Variants in RNF130 observed in about 807,000 individuals in gnomAD.
The protein encoded by RNF130 is E3 ubiquitin-protein ligase RNF130.
In RNF130, 21 loss-of-function variants were observed where a neutral mutation model predicts 44.6. The observed-to-expected ratio is 0.47, with a 90% CI of 0.33 to 0.68. The LOEUF is 0.68. Among genes scored for constraint, RNF130 ranks in the 30% least tolerant of loss-of-function variants. The pLI, the probability that RNF130 is intolerant of heterozygous loss-of-function variation, is 0.02. For synonymous variants in RNF130, 214 were observed against 210.4 expected (o/e 1.02, Z -0.15); for missense variants, 479 against 560.6 (o/e 0.85, Z 1.47).
At chr5:179,974,873 C>T (rs911138987) in intron 5 of RNF130, among the ~76,000 whole-genome samples, 6 of 152,236 alleles carry the variant, frequency 3.9e-5, no homozygotes, top group Non-Finnish European at 8.8e-5. Flanking sequence ...CCGCAGCAGA[C>T]GGCCTCTCCG....
At chr5:180,021,170 G>A (rs948576756) in intron 2 of RNF130, among the ~76,000 whole-genome samples, 6 of 151,994 alleles carry the variant, frequency 3.9e-5, no homozygotes, top group Non-Finnish European at 8.8e-5. Flanking sequence ...GATTCACCAT[G>A]TTGGCCAAAA....
At chr5:179,975,826 AACC>A (rs1387135656) in intron 5 of RNF130, among the ~76,000 whole-genome samples, 3 of 152,142 alleles carry the variant, frequency 2.0e-5, no homozygotes, top group Non-Finnish European at 4.4e-5. Context: ...CACAAACACA[AACC>A]ACTTCTATGG....
intron 2 of RNF130, among the ~76,000 whole-genome samples, chr5:180,031,358 G>A (rs758926316): frequency 1.6e-4 from 24 of 152,210 alleles, no homozygotes; most frequent in Non-Finnish European, 3.4e-4. Context: ...ATGGTGGCAC[G>A]CACCTGTAAT....
intron 3 of RNF130, among the ~76,000 whole-genome samples, chr5:179,996,868 G>C (rs1304030086): frequency 6.6e-6 from 1 of 152,180 alleles, no homozygotes; most frequent in African/African-American, 2.4e-5. Flanking sequence ...CAGTTTTCTG[G>C]AGGAGTATGA....
chr5:179,939,670 G>A (rs1164628495), intron 7 of RNF130: 2 of 456,134 alleles, frequency 4.4e-6, no homozygotes, highest in East Asian at 1.3e-4. Flanking sequence ...GTGACCTAGT[G>A]ATCCAAATGA....
At chr5:179,924,462 TC>T (rs1456580146) in intron 7 of RNF130, among the ~76,000 whole-genome samples, 3 of 146,718 alleles carry the variant, frequency 2.0e-5, no homozygotes, top group Non-Finnish European at 4.4e-5. Flanking sequence ...GCCATTGCAC[TC>T]CAGCCTGCGC....
exon 8 of RNF130, chr5:179,918,982 T>C (rs778613246): frequency 2.6e-5 from 4 of 152,228 alleles, no homozygotes; most frequent in Non-Finnish European, 5.9e-5. Flanking sequence ...GGCAGGGGAT[T>C]CACGCATCTG....
chr5:179,925,055 T>G, intron 7 of RNF130, among the ~76,000 whole-genome samples: 1 of 152,104 alleles, frequency 6.6e-6, no homozygotes, highest in Non-Finnish European at 1.5e-5. Flanking sequence ...GTGTATTTGG[T>G]TTTTATCCGG....
chr5:180,032,173 T>C (rs1764144691), intron 2 of RNF130, among the ~76,000 whole-genome samples: 1 of 152,246 alleles, frequency 6.6e-6, no homozygotes. Context: ...TTTTCAATGG[T>C]TTCTTTTCAA....
intron 3 of RNF130, among the ~76,000 whole-genome samples, chr5:179,984,295 G>T (rs1047135102): frequency 1.3e-5 from 2 of 151,958 alleles, no homozygotes; most frequent in East Asian, 3.9e-4. Flanking sequence ...TACTGTGCTG[G>T]CTAGAATCTA....
At chr5:179,983,777 G>T (rs1473150547) in intron 3 of RNF130, among the ~76,000 whole-genome samples, 3 of 152,182 alleles carry the variant, frequency 2.0e-5, no homozygotes, top group Non-Finnish European at 2.9e-5. Flanking sequence ...CACTGTGTAT[G>T]TGTCTCTCCA....
At chr5:179,946,371 A>C (rs1762037182) in intron 7 of RNF130, among the ~76,000 whole-genome samples, 1 of 152,230 alleles carries the variant, frequency 6.6e-6, no homozygotes, top group Admixed American at 6.5e-5. Context: ...CACGGTGAGA[A>C]ACCCCGTTTC....
intron 2 of RNF130, among the ~76,000 whole-genome samples, chr5:180,015,096 A>G (rs1763686976): frequency 6.6e-6 from 1 of 152,260 alleles, no homozygotes; most frequent in Non-Finnish European, 1.5e-5. Context: ...TTATTAGAAC[A>G]GCAGTTTACC....
At chr5:179,960,427 T>C (rs962390827) in intron 8 of RNF130, among the ~76,000 whole-genome samples, 1 of 152,250 alleles carries the variant, frequency 6.6e-6, no homozygotes, top group Non-Finnish European at 1.5e-5. Context: ...CAAGGGCTTT[T>C]TGATGGACTT....
intron 5 of RNF130, among the ~76,000 whole-genome samples, chr5:179,972,202 T>A (rs573098444): frequency 1.3e-5 from 2 of 152,200 alleles, no homozygotes; most frequent in Non-Finnish European, 2.9e-5. Context: ...AGTGCACTAA[T>A]GCTGGCTACT....
At chr5:179,991,376 T>C (rs2113031660) in intron 3 of RNF130, among the ~76,000 whole-genome samples, 1 of 152,404 alleles carries the variant, frequency 6.6e-6, no homozygotes, top group African/African-American at 2.4e-5. Context: ...TGTATCTGAA[T>C]GACTAGATGT....
chr5:180,026,578 G>A (rs1347991123), intron 2 of RNF130, among the ~76,000 whole-genome samples: 2 of 152,210 alleles, frequency 1.3e-5, no homozygotes. Flanking sequence ...ACGTCCTTCA[G>A]TCACCAGGTG....
intron 5 of RNF130, 82 bp downstream of exon 5, chr5:179,978,121 G>T (rs1762757608): frequency 1.6e-6 from 2 of 1,217,000 alleles, no homozygotes; most frequent in East Asian, 2.3e-5. Flanking sequence ...GCGCTCAAAA[G>T]CAAGGGAGAT....
intron 2 of RNF130, among the ~76,000 whole-genome samples, chr5:180,027,181 G>A (rs1404207988): frequency 6.6e-6 from 1 of 152,108 alleles, no homozygotes; most frequent in African/African-American, 2.4e-5. Flanking sequence ...TCCATCCCTT[G>A]AGACTGTCTG....
Sources: gnomAD v4.1 joint callset for allele counts (sites outside exome capture counted in the v4.1 genomes callset) on GRCh38, gnomAD v4.1.1 for gene constraint, MANE v1.5 for transcripts, NCBI Gene and HGNC (gene_info 2026-07-23, HGNC 2026-07-21) for gene names.